The following CTNNA3 variants were observed in gnomAD, a reference collection of about 807,000 sequenced individuals.
CTNNA3 encodes the protein catenin alpha 3, also known as catenin alpha-3.
Under a neutral mutation model 95.7 loss-of-function variants are expected in CTNNA3, and 76 were observed. The observed-to-expected ratio is 0.79, with a 90% CI of 0.66 to 0.96. The LOEUF (loss-of-function observed/expected upper bound fraction) is 0.96. CTNNA3 is among the 40% of genes least tolerant of loss of function. The pLI, the probability that CTNNA3 is intolerant of heterozygous loss-of-function variation, is 0.00. For synonymous variants in CTNNA3, 431 were observed against 374.4 expected (o/e 1.15, Z -1.74); for missense variants, 1,191 against 1,089.8 (o/e 1.09, Z -1.31).
At chr10:67,316,817 A>T (rs943631512) in intron 5 of CTNNA3, among the ~76,000 whole-genome samples, 1 of 152,228 alleles carries the variant, frequency 6.6e-6, no homozygotes, top group African/African-American at 2.4e-5. Context: ...GAAAATATAA[A>T]GTATTTTTTA....
intron 15 of CTNNA3, among the ~76,000 whole-genome samples, chr10:66,003,010 A>C (rs1263080130): frequency 6.6e-6 from 1 of 152,214 alleles, no homozygotes; most frequent in East Asian, 1.9e-4. Flanking sequence ...TTTGTATGTC[A>C]TCAAGTAGAT....
intron 7 of CTNNA3, among the ~76,000 whole-genome samples, chr10:67,124,497 C>A (rs982321667): frequency 1.3e-4 from 20 of 151,988 alleles, no homozygotes; most frequent in African/African-American, 4.8e-4. Flanking sequence ...GGAGAATAAC[C>A]AATTTCTAGT....
intron 9 of CTNNA3, among the ~76,000 whole-genome samples, chr10:66,681,995 A>G (rs891266511): frequency 2.6e-5 from 4 of 152,292 alleles, no homozygotes; most frequent in Admixed American, 2.6e-4. Context: ...GTACAAGGCC[A>G]CTGCAGCTAG....
chr10:66,835,873 A>C (rs1842868804), intron 7 of CTNNA3, among the ~76,000 whole-genome samples: 1 of 152,110 alleles, frequency 6.6e-6, no homozygotes, highest in Non-Finnish European at 1.5e-5. Flanking sequence ...CCACCCCAAG[A>C]GGGTGATTTA....
At chr10:67,269,684 G>A (rs940800953) in intron 5 of CTNNA3, among the ~76,000 whole-genome samples, 1 of 152,144 alleles carries the variant, frequency 6.6e-6, no homozygotes, top group Non-Finnish European at 1.5e-5. Context: ...TTCTGAAATG[G>A]TGAACATATC....
intron 13 of CTNNA3, among the ~76,000 whole-genome samples, chr10:66,219,180 T>A (rs2088757786): frequency 6.6e-6 from 1 of 152,138 alleles, no homozygotes; most frequent in South Asian, 2.1e-4. Context: ...AAATTCTAGA[T>A]TATGAGCTGA....
intron 10 of CTNNA3, among the ~76,000 whole-genome samples, chr10:66,574,594 A>G (rs1413754281): frequency 6.6e-6 from 1 of 152,138 alleles, no homozygotes; most frequent in Non-Finnish European, 1.5e-5. Context: ...AAAAGAAAAC[A>G]TATTGAAAAG....
At chr10:66,380,334 G>A (rs1421565675) in intron 11 of CTNNA3, among the ~76,000 whole-genome samples, 1 of 152,034 alleles carries the variant, frequency 6.6e-6, no homozygotes, top group Non-Finnish European at 1.5e-5. Flanking sequence ...ATCAGTCTGG[G>A]TGTGGTGGCT....
At chr10:67,351,472 T>A (rs749305790) in intron 5 of CTNNA3, among the ~76,000 whole-genome samples, 8 of 151,946 alleles carry the variant, frequency 5.3e-5, no homozygotes, top group Non-Finnish European at 8.8e-5. Context: ...AAGCACCATC[T>A]ACAAAAAAGA....
intron 7 of CTNNA3, among the ~76,000 whole-genome samples, chr10:67,164,176 G>T (rs1016495318): frequency 1.3e-5 from 2 of 151,952 alleles, no homozygotes; most frequent in Non-Finnish European, 2.9e-5. Flanking sequence ...TTTGAAATAG[G>T]AAATTAATAG....
At chr10:65,996,660 T>C (rs2078667589) in intron 15 of CTNNA3, among the ~76,000 whole-genome samples, 1 of 152,126 alleles carries the variant, frequency 6.6e-6, no homozygotes, top group Non-Finnish European at 1.5e-5. Context: ...AGCCTTATGG[T>C]CTGCAGGGGT....
chr10:67,362,430 C>A (rs1843022680), intron 5 of CTNNA3, among the ~76,000 whole-genome samples: 1 of 152,100 alleles, frequency 6.6e-6, no homozygotes, highest in African/African-American at 2.4e-5. Flanking sequence ...TCACCATGAT[C>A]AAGTGAGCTT....
intron 7 of CTNNA3, among the ~76,000 whole-genome samples, chr10:67,019,558 G>T (rs567691733): frequency 6.6e-6 from 1 of 152,178 alleles, no homozygotes; most frequent in Admixed American, 6.5e-5. Context: ...GAACTTTATC[G>T]TATATAAAAT....
At chr10:67,487,777 G>C (rs1848498394) in intron 5 of CTNNA3, among the ~76,000 whole-genome samples, 1 of 152,150 alleles carries the variant, frequency 6.6e-6, no homozygotes, top group Non-Finnish European at 1.5e-5. Context: ...ATTTCAACCT[G>C]CTTTAGCACT....
chr10:66,187,224 T>C (rs960211853), intron 13 of CTNNA3, among the ~76,000 whole-genome samples: 2 of 152,050 alleles, frequency 1.3e-5, no homozygotes, highest in Non-Finnish European at 2.9e-5. Context: ...GCTTATCCAG[T>C]GCAGAAAGCT....
At chr10:67,065,278 T>C (rs772976167) in intron 7 of CTNNA3, among the ~76,000 whole-genome samples, 1 of 152,200 alleles carries the variant, frequency 6.6e-6, no homozygotes, top group Non-Finnish European at 1.5e-5. Context: ...TTTGAGTCTC[T>C]GTTTCATCAT....
At chr10:66,165,643 G>C (rs1287454317) in intron 13 of CTNNA3, among the ~76,000 whole-genome samples, 2 of 151,928 alleles carry the variant, frequency 1.3e-5, no homozygotes, top group African/African-American at 4.8e-5. Flanking sequence ...TATTTACAAA[G>C]AGAAGGCACT....
At chr10:66,640,631 A>G (rs1845484647) in intron 9 of CTNNA3, among the ~76,000 whole-genome samples, 1 of 152,160 alleles carries the variant, frequency 6.6e-6, no homozygotes, top group African/African-American at 2.4e-5. Context: ...CCAACTTAAG[A>G]AAATCATAAT....
chr10:66,766,428 T>C lies in CTNNA3; in HGVS notation c.1129-12A>G. The stretch of plus-strand genomic sequence containing the variant: ...ATAGCCTTGCGGAGCTGAGAAGAAA[T>C]GAAAAATTCAGGTTTTTTTTTTCCA... On this transcript the variant is annotated splice_polypyrimidine_tract_variant and intron_variant, in intron 8 of 17. Coordinates refer to ENST00000433211, the MANE Select transcript of CTNNA3 (RefSeq NM_013266.4). 1.3e-6 allele frequency: 2 copies of C among 1,586,702 alleles called. No individual in the cohort carries two copies. Among genetic ancestry groups the C allele is most frequent in the Middle Eastern group, 1.7e-4 (1 of 5,922 alleles).
Sources: allele counts gnomAD v4.1 joint callset (sites outside exome capture counted in the v4.1 genomes callset), GRCh38; gene constraint gnomAD v4.1.1; transcripts MANE v1.5; gene names NCBI Gene and HGNC (gene_info 2026-07-23, HGNC 2026-07-21).